LCP2: variants seen among roughly 807,000 people sequenced by gnomAD.
The protein encoded by LCP2 is lymphocyte cytosolic protein 2.
Under a neutral mutation model 74.5 loss-of-function variants are expected in LCP2, and 29 were observed. The ratio of observed to expected loss-of-function variants is 0.39; its 90% CI spans 0.29 to 0.53. The LOEUF is 0.53. LCP2 is among the 20% of genes least tolerant of loss of function. LCP2 has a pLI of 0.72. For missense variants in LCP2, 604 were observed against 634.6 expected (o/e 0.95, Z 0.52); for synonymous variants, 228 against 229.5 (o/e 0.99, Z 0.06).
intron 3 of LCP2, among the ~76,000 whole-genome samples, chr5:170,276,692 T>C (rs1762012407): frequency 6.6e-6 from 1 of 152,142 alleles, no homozygotes; most frequent in Non-Finnish European, 1.5e-5. Flanking sequence ...ATCTCTCAGA[T>C]ATCCAGAACT....
At chr5:170,269,200 G>A (rs1761844828) in intron 7 of LCP2, among the ~76,000 whole-genome samples, 1 of 152,148 alleles carries the variant, frequency 6.6e-6, no homozygotes, top group South Asian at 2.1e-4. Flanking sequence ...ACATTATCTG[G>A]GCAGAAACTC....
rs760388775 is a variant in LCP2 at position 170,297,538 on chromosome 5, T to C, written c.74A>G (p.Lys25Arg). 6 of 1,612,806 alleles carry C rather than the reference T, an allele frequency of 3.7e-6. No homozygotes were observed. The highest frequency in any genetic ancestry group is 2.2e-5 in the East Asian group (1 of 44,864). Residue 25 changes from lysine to arginine, a missense_variant, in exon 1 of 21, where the codon AAG becomes AGG. Lys to Arg is a conservative substitution (Grantham distance 26). Coordinates refer to ENST00000046794, the MANE Select transcript of LCP2 (RefSeq NM_005565.5). The part of the protein sequence containing the change: ...WDPDSLADYF[K>R]KLNYKDCEKA... ...TCACACAAGAGCAAGGCTTACCTTC[T>C]TGAAATAGTCAGCAAGGCTGTCGGG...
chr5:170,296,939 G>A (rs892802700), intron 1 of LCP2, among the ~76,000 whole-genome samples: 1 of 152,172 alleles, frequency 6.6e-6, no homozygotes, highest in Non-Finnish European at 1.5e-5. Flanking sequence ...CCTTAGGGTC[G>A]TGAGCAGTGA....
chr5:170,261,243 T>G (rs1761644907), intron 13 of LCP2, 106 bp from the exon 14 acceptor site: 1 of 824,322 alleles, frequency 1.2e-6, no homozygotes, highest in East Asian at 2.6e-5. Flanking sequence ...TCGAACCCAC[T>G]GAGCCTAGGG....
chr5:170,282,058 C>A lies in LCP2; in HGVS notation c.188+5912G>T, dbSNP rs1322248627. On this transcript the variant is annotated intron_variant, in intron 3 of 20. Coordinates refer to ENST00000046794, the MANE Select transcript of LCP2 (RefSeq NM_005565.5). ...TATAAAGGGAGCCTTCATTTTTTTTCTTTAAAAATCCTCCACCTTTACAAT... is the reference window on the plus strand; with the variant it reads ...TATAAAGGGAGCCTTCATTTTTTTTATTTAAAAATCCTCCACCTTTACAAT... 3.3e-5 allele frequency among the ~76,000 whole-genome samples: 5 copies of A among 152,094 alleles called. No homozygotes were observed. In the East Asian group the frequency reaches 9.6e-4, roughly 29 times the overall value.
intron 3 of LCP2, 100 bp from the exon 4 acceptor site, chr5:170,275,960 C>A: frequency 2.9e-6 from 3 of 1,019,804 alleles, no homozygotes; most frequent in African/African-American, 3.2e-5. Flanking sequence ...CTTGGGGCAC[C>A]AGGGCCAACT....
At chr5:170,255,298 A>G (rs1761530320) in intron 17 of LCP2, among the ~76,000 whole-genome samples, 1 of 152,168 alleles carries the variant, frequency 6.6e-6, no homozygotes, top group South Asian at 2.1e-4. Flanking sequence ...CCTCTATGGA[A>G]TGATGCATCC....
rs1249989332 is a variant in LCP2, at chr5:170,261,057, T to C, written c.957+50A>G. 3 of 1,417,994 alleles carry C rather than the reference T, an allele frequency of 2.1e-6. No individual in the cohort carries two copies. In the African/African-American group the frequency reaches 4.2e-5, roughly 20 times the overall value. 87.8% of individuals were successfully genotyped at this position (1,417,994 alleles called of 1,614,324 possible). On this transcript the variant is annotated intron_variant, in intron 14 of 20. Coordinates refer to ENST00000046794, the MANE Select transcript of LCP2 (RefSeq NM_005565.5). ...GGAGTCCCAACCTCCTAAGAGCCTA[T>C]GCTTCTTTTCCCTGTATCAAGCACT...
At chr5:170,267,984 G>A (rs927999442) in intron 8 of LCP2, among the ~76,000 whole-genome samples, 4 of 152,126 alleles carry the variant, frequency 2.6e-5, no homozygotes, top group African/African-American at 9.7e-5. Flanking sequence ...AGAAAACGGG[G>A]TTTGCTACCT....
At chr5:170,283,388 T>A (rs987603951) in intron 3 of LCP2, among the ~76,000 whole-genome samples, 6 of 152,186 alleles carry the variant, frequency 3.9e-5, no homozygotes, top group Admixed American at 6.5e-5. Context: ...AGCCTTAAGA[T>A]GAAAAAGGAT....
chr5:170,260,279 T>C (rs1207462300), intron 14 of LCP2, among the ~76,000 whole-genome samples: 1 of 152,166 alleles, frequency 6.6e-6, no homozygotes, highest in Non-Finnish European at 1.5e-5. Flanking sequence ...CCTGCCTCCA[T>C]AAGATCTCAG....
intron 3 of LCP2, among the ~76,000 whole-genome samples, chr5:170,279,066 A>T (rs1261802161): frequency 1.3e-5 from 2 of 152,036 alleles, no homozygotes; most frequent in Non-Finnish European, 2.9e-5. Flanking sequence ...GAGTGGAGGG[A>T]GGTGACTCAT....
At chr5:170,290,964 GAAA>G (rs1183118083) in intron 2 of LCP2, among the ~76,000 whole-genome samples, 11 of 38,096 alleles carry the variant, frequency 2.9e-4, no homozygotes, top group African/African-American at 9.4e-4. Flanking sequence ...AAGAAAGAAA[GAAA>G]GAAAGAAAGA....
chr5:170,257,019 T>A (rs1761565695), intron 16 of LCP2, among the ~76,000 whole-genome samples: 1 of 151,970 alleles, frequency 6.6e-6, no homozygotes, highest in African/African-American at 2.4e-5. Context: ...AGAAGGGAAG[T>A]GCATGTTAGG....
intron 3 of LCP2, among the ~76,000 whole-genome samples, chr5:170,286,015 C>A (rs117747194): frequency 6.6e-6 from 1 of 152,206 alleles, no homozygotes; most frequent in Non-Finnish European, 1.5e-5. Flanking sequence ...TTCCATCCCT[C>A]GGTGTCTGAT....
chr5:170,269,605 T>G (rs1761856396), intron 7 of LCP2, among the ~76,000 whole-genome samples: 1 of 152,258 alleles, frequency 6.6e-6, no homozygotes, highest in African/African-American at 2.4e-5. Context: ...TCCTTTAACC[T>G]TGGTTTAATA....
chr5:170,274,356 A>G lies in LCP2; in HGVS notation c.287-18T>C. The G allele has an allele frequency of 1.2e-6, 2 of 1,611,976 alleles. No individual in the cohort carries two copies. The highest frequency in any genetic ancestry group is 1.7e-6 in the Non-Finnish European group (2 of 1,179,056). On this transcript the variant is annotated intron_variant, in intron 5 of 20. Coordinates refer to ENST00000046794, the MANE Select transcript of LCP2 (RefSeq NM_005565.5). ...GTGGCTTTCTGTGGAAGGAGATGAC[A>G]CCACCATCAGCACTGAAGAAAAGCC...
At chr5:170,260,744 T>C (rs1328334057) in intron 14 of LCP2, among the ~76,000 whole-genome samples, 1 of 152,218 alleles carries the variant, frequency 6.6e-6, no homozygotes, top group Non-Finnish European at 1.5e-5. Context: ...TGTGGAAGTA[T>C]TGAAAAGGAA....
intron 3 of LCP2, among the ~76,000 whole-genome samples, chr5:170,281,851 C>T (rs185986339): frequency 5.4e-4 from 82 of 152,344 alleles, no homozygotes; most frequent in Non-Finnish European, 6.2e-4. Flanking sequence ...TTGCTGCCTG[C>T]ACCACCCACC....
Sources: allele counts gnomAD v4.1 joint callset (sites outside exome capture counted in the v4.1 genomes callset), GRCh38; gene constraint gnomAD v4.1.1; transcripts MANE v1.5; gene names NCBI Gene and HGNC (gene_info 2026-07-23, HGNC 2026-07-21).